EXTL3: variants seen among roughly 807,000 people sequenced by gnomAD.
EXTL3 encodes exostosin like glycosyltransferase 3, also known as exostosin-like 3.
A neutral mutation model predicts 69.3 loss-of-function variants in EXTL3; 27 were observed. The observed-to-expected ratio is 0.39, with a 90% CI of 0.29 to 0.54. The LOEUF (loss-of-function observed/expected upper bound fraction) is 0.54. Among genes scored for constraint, EXTL3 ranks in the 20% least tolerant of loss-of-function variants. The probability of loss-of-function intolerance (pLI) is 0.69; values close to 1 mark genes in which losing one functional copy is unlikely to be tolerated. For synonymous variants in EXTL3, 511 were observed against 499.4 expected (o/e 1.02, Z -0.31); for missense variants, 1,003 against 1,231.8 (o/e 0.81, Z 2.78).
intron 1 of EXTL3, among the ~76,000 whole-genome samples, chr8:28,691,627 G>C (rs893091556): frequency 8.9e-5 from 13 of 146,086 alleles, no homozygotes; most frequent in African/African-American, 3.0e-4. Flanking sequence ...GCCGGGCACG[G>C]TGGCTCACGC....
At chr8:28,697,725 G>A (rs1248888266), upstream of EXTL3, 1 of 151,812 alleles carries the variant, frequency 6.6e-6, no homozygotes, top group Non-Finnish European at 1.5e-5. Flanking sequence ...CAGCTGCTCA[G>A]GGAGGCACGA....
rs200009511 is a variant in EXTL3, at chr8:28,718,224, C to T, written c.2148+17C>T. On this transcript the variant is annotated intron_variant, in intron 3 of 6. Transcript: ENST00000220562. ...CCCATCATGGTAATAGAGAAACGAA[C>T]AGTTCGTTTTGGTGCATGAAATAGT... The T allele has an allele frequency of 1.2e-5, 19 of 1,611,690 alleles. No homozygotes were observed. Among genetic ancestry groups the T allele is most frequent in the East Asian group, 2.2e-5 (1 of 44,870 alleles).
intron 1 of EXTL3, among the ~76,000 whole-genome samples, chr8:28,658,862 T>C (rs765662664): frequency 3.3e-5 from 5 of 152,198 alleles, no homozygotes; most frequent in Non-Finnish European, 5.9e-5. Context: ...ATTATAGGCA[T>C]GAGCCACTGC....
intron 3 of EXTL3, among the ~76,000 whole-genome samples, chr8:28,728,372 T>C (rs1563219695): frequency 1.3e-5 from 2 of 152,214 alleles, no homozygotes; most frequent in Admixed American, 1.3e-4. Flanking sequence ...TAGGCCTCAC[T>C]CGGTCCTTCG....
In EXTL3 at chr8:28,646,209, G is replaced by A. The variant is rs544821903; in HGVS notation, c.-53+23399G>A. Among the ~76,000 whole-genome samples, 677 of 152,278 alleles carry A rather than the reference G, an allele frequency of 4.4e-3. 3 individuals are homozygous for A. The highest frequency in any genetic ancestry group is 0.016 in the African/African-American group (646 of 41,554). ...TCCAGCCACCAGAGCTTATATTAATGTAATTATTTTATATAGTTCTTTTTC... is the reference window on the plus strand; with the variant it reads ...TCCAGCCACCAGAGCTTATATTAATATAATTATTTTATATAGTTCTTTTTC... On this transcript the variant is annotated intron_variant, in intron 1 of 6. Transcript: ENST00000523149.
At position 28,715,789 on chromosome 8, in the gene EXTL3, C is replaced by A; in HGVS notation, c.-271C>A. The A allele has an allele frequency of 2.1e-6, 1 of 467,646 alleles. No individual in the cohort carries two copies. Among genetic ancestry groups the A allele is most frequent in the Non-Finnish European group, 3.8e-6 (1 of 262,412 alleles). 29.0% of individuals were successfully genotyped at this position (467,646 alleles called of 1,614,324 possible). A position where few individuals can be genotyped will look rare whatever the true frequency, so the allele number is the denominator to read the frequency against. On this transcript the variant is annotated 5_prime_UTR_variant, in exon 3 of 7. Transcript: ENST00000220562. Reference sequence around the variant, plus strand: ...AGGTACCTCCTCCCTTTCATCTCAGCAAGAATGTGGCACCTTTTATCGTTT... The same window carrying A: ...AGGTACCTCCTCCCTTTCATCTCAGAAAGAATGTGGCACCTTTTATCGTTT...
Position 28,750,564 on chromosome 8 carries a change from A to G in EXTL3, c.2551-93A>G, listed in dbSNP as rs1801981469. ...TGCCCCTGAGGGGATCAGCGTCTTC[A>G]CCATGGACATGGGAGTGTGGGATCG... On this transcript the variant is annotated intron_variant, in intron 6 of 6. Transcript: ENST00000220562. The surrounding 1 kb of genome is among the most constrained non-coding windows in gnomAD (Gnocchi z 5.2). The G allele has an allele frequency of 9.4e-7, 1 of 1,065,030 alleles. No individual in the cohort carries two copies. Among genetic ancestry groups the G allele is most frequent in the Non-Finnish European group, 1.4e-6 (1 of 693,124 alleles). 66.0% of individuals were successfully genotyped at this position (1,065,030 alleles called of 1,614,324 possible). A position where few individuals can be genotyped will look rare whatever the true frequency, so the allele number is the denominator to read the frequency against.
intron 5 of EXTL3, chr8:28,742,135 T>C (rs2130791411): frequency 6.6e-6 from 1 of 152,358 alleles, no homozygotes. Context: ...CATAGTAATT[T>C]CAACATCAAC....
intron 1 of EXTL3, among the ~76,000 whole-genome samples, chr8:28,664,861 T>C (rs1422138292): frequency 6.6e-6 from 1 of 152,082 alleles, no homozygotes; most frequent in Non-Finnish European, 1.5e-5. Flanking sequence ...TCAGTGGACA[T>C]TGTAATCTGA....
rs1352299282 is a variant in EXTL3, at chr8:28,754,048, G to GTGTGTGTT, written c.*3189_*3190insTTGTGTGT. On this transcript the variant is annotated 3_prime_UTR_variant, in exon 7 of 7. Coordinates refer to ENST00000220562, the MANE Select transcript of EXTL3 (RefSeq NM_001440.4). Reference sequence around the variant, plus strand: ...ATTTAAAATGCGTGTGTGTGTGTGTGTGTGTGTGTGTGTAGTGGTTGTGGG... The same window carrying GTGTGTGTT: ...ATTTAAAATGCGTGTGTGTGTGTGTGTGTGTGTTTGTGTGTGTGTGTAGTGGTTGTGGG... 10 of 152,238 alleles carry GTGTGTGTT rather than the reference G, an allele frequency of 6.6e-5. No homozygotes were observed. Among genetic ancestry groups the GTGTGTGTT allele is most frequent in the Non-Finnish European group, 8.8e-5 (6 of 68,326 alleles). 9.4% of individuals were successfully genotyped at this position (152,238 alleles called of 1,614,324 possible). A position where few individuals can be genotyped will look rare whatever the true frequency, so the allele number is the denominator to read the frequency against.
intron 1 of EXTL3, among the ~76,000 whole-genome samples, chr8:28,637,984 T>C (rs1806682665): frequency 6.6e-6 from 1 of 152,198 alleles, no homozygotes; most frequent in Non-Finnish European, 1.5e-5. Flanking sequence ...ATCTAACTTA[T>C]CTCCTGAAAG....
intron 1 of EXTL3, among the ~76,000 whole-genome samples, chr8:28,694,973 G>A (rs933415515): frequency 2.1e-4 from 32 of 151,992 alleles, no homozygotes; most frequent in African/African-American, 7.0e-4. Context: ...CTGAGATCAC[G>A]CCACTGCACT....
chr8:28,732,583 AC>A (rs1207357255), intron 4 of EXTL3, among the ~76,000 whole-genome samples: 1 of 152,178 alleles, frequency 6.6e-6, no homozygotes, highest in African/African-American at 2.4e-5. Context: ...CTAGGTAGCC[AC>A]TCAATCTTTG....
At chr8:28,656,149 G>A (rs796088414) in intron 1 of EXTL3, among the ~76,000 whole-genome samples, 14 of 151,120 alleles carry the variant, frequency 9.3e-5, no homozygotes, top group African/African-American at 2.7e-4. Context: ...TTTATTATCC[G>A]TGAGCAATCA....
intron 1 of EXTL3, among the ~76,000 whole-genome samples, chr8:28,658,538 C>T (rs1397445368): frequency 1.3e-5 from 2 of 152,134 alleles, no homozygotes; most frequent in Non-Finnish European, 2.9e-5. Flanking sequence ...CCCCCCCTGC[C>T]CCCGCACTTA....
chr8:28,732,720 G>C (rs745714129), intron 4 of EXTL3, among the ~76,000 whole-genome samples: 1 of 152,068 alleles, frequency 6.6e-6, no homozygotes, highest in African/African-American at 2.4e-5. Flanking sequence ...TCTTGTAGCA[G>C]GTACCAGTTC....
intron 2 of EXTL3, among the ~76,000 whole-genome samples, chr8:28,607,924 A>G (rs1306013732): frequency 4.6e-5 from 7 of 151,182 alleles, no homozygotes; most frequent in Admixed American, 3.9e-4. Context: ...CATCCTGGCT[A>G]ACACCATGAA....
At chr8:28,689,644 T>C (rs1800581561) in intron 1 of EXTL3, among the ~76,000 whole-genome samples, 1 of 152,254 alleles carries the variant, frequency 6.6e-6, no homozygotes, top group Non-Finnish European at 1.5e-5. Flanking sequence ...AAAGAGTTCA[T>C]ATCTGTTGTC....
chr8:28,707,093 C>G (rs1383579550), intron 1 of EXTL3, among the ~76,000 whole-genome samples: 2 of 151,986 alleles, frequency 1.3e-5, no homozygotes, highest in Admixed American at 6.6e-5. Context: ...ATAGATGTGT[C>G]ACATTATTTA....
Sources: gnomAD v4.1 joint callset for allele counts (sites outside exome capture counted in the v4.1 genomes callset) on GRCh38, gnomAD v4.1.1 for gene constraint, Gnocchi (gnomAD v3.1) non-coding constraint, MANE v1.5 for transcripts, NCBI Gene and HGNC (gene_info 2026-07-23, HGNC 2026-07-21) for gene names.